Variants in GOLM2 observed in about 807,000 individuals in gnomAD.
GOLM2 encodes the protein golgi membrane protein 2, also known as protein GOLM2.
A neutral mutation model predicts 55.9 loss-of-function variants in GOLM2; 26 were observed. That is an observed-to-expected ratio of 0.47 (90% CI 0.34 to 0.65). The LOEUF is 0.65. Among genes scored for constraint, GOLM2 ranks in the 30% least tolerant of loss-of-function variants. The pLI, the probability that GOLM2 is intolerant of heterozygous loss-of-function variation, is 0.01. For missense variants in GOLM2, 486 were observed against 531.8 expected (o/e 0.91, Z 0.85); for synonymous variants, 165 against 194.6 (o/e 0.85, Z 1.27).
intron 9 of GOLM2, among the ~76,000 whole-genome samples, chr15:44,410,396 G>C (rs933304261): frequency 6.4e-4 from 98 of 152,048 alleles, no homozygotes; most frequent in Non-Finnish European, 1.9e-4. Context: ...GCGCCACTGC[G>C]CTCCAGCCTG....
intron 6 of GOLM2, among the ~76,000 whole-genome samples, chr15:44,369,079 A>ATTATATATATATATATACATAT (rs796346928): frequency 4.6e-5 from 3 of 64,524 alleles, no homozygotes; most frequent in Non-Finnish European, 9.7e-5. Context: ...ATATATATAT[A>ATTATATATATATATATACATAT]TATATATATA....
intron 6 of GOLM2, among the ~76,000 whole-genome samples, chr15:44,343,658 T>C (rs913955279): frequency 6.6e-6 from 1 of 151,176 alleles, no homozygotes; most frequent in Non-Finnish European, 1.5e-5. Context: ...AAACCCCGTC[T>C]GTACTAAAAA....
At chr15:44,311,933 A>G (rs1221964638) in intron 1 of GOLM2, among the ~76,000 whole-genome samples, 1 of 152,186 alleles carries the variant, frequency 6.6e-6, no homozygotes, top group Non-Finnish European at 1.5e-5. Flanking sequence ...TACAGGTTTG[A>G]GCCACCATGC....
intron 6 of GOLM2, among the ~76,000 whole-genome samples, chr15:44,378,955 C>T (rs781043347): frequency 5.3e-5 from 8 of 152,106 alleles, no homozygotes; most frequent in Non-Finnish European, 1.0e-4. Context: ...CCTTGTTGGC[C>T]AAGCTGATCT....
At chr15:44,351,797 A>T (rs923942049) in intron 6 of GOLM2, among the ~76,000 whole-genome samples, 1 of 152,168 alleles carries the variant, frequency 6.6e-6, no homozygotes, top group African/African-American at 2.4e-5. Flanking sequence ...ATAATCTGAA[A>T]AAGAAATCAG....
chr15:44,301,056 G>T (rs1420382077), intron 1 of GOLM2, among the ~76,000 whole-genome samples: 1 of 152,072 alleles, frequency 6.6e-6, no homozygotes, highest in Admixed American at 6.6e-5. Flanking sequence ...AAAATGATTT[G>T]CTTTCCTTTT....
intron 9 of GOLM2, among the ~76,000 whole-genome samples, chr15:44,411,828 CA>C (rs60534778): frequency 0.033 from 2,237 of 68,336 alleles, 32 homozygotes; most frequent in African/African-American, 0.084. Context: ...GACTGCATCT[CA>C]AAAAAAAAAA....
chr15:44,294,984 C>T (rs2078746610), intron 1 of GOLM2, among the ~76,000 whole-genome samples: 1 of 151,878 alleles, frequency 6.6e-6, no homozygotes, highest in African/African-American at 2.4e-5. Context: ...ATCCTTTCTC[C>T]AGAGGAATCA....
rs1259885049 is a variant in GOLM2 at position 44,400,487 on chromosome 15, T to C, written c.1073-2400T>C. ...CATGCGCCACCATGCCTGCCTAATTTTGTATTTTTAGTAGACACAGGGTTT... is the reference window on the plus strand; with the variant it reads ...CATGCGCCACCATGCCTGCCTAATTCTGTATTTTTAGTAGACACAGGGTTT... On this transcript the variant is annotated intron_variant, in intron 8 of 9. Transcript: ENST00000299957. Among the ~76,000 whole-genome samples the C allele has an allele frequency of 3.3e-5, 5 of 151,596 alleles. No individual in the cohort carries two copies. In the East Asian group the frequency reaches 9.7e-4, roughly 29 times the overall value.
intron 2 of GOLM2, among the ~76,000 whole-genome samples, chr15:44,324,180 T>C (rs1233026076): frequency 3.3e-5 from 5 of 152,228 alleles, no homozygotes; most frequent in Non-Finnish European, 1.5e-5. Context: ...TAGGGCTTAT[T>C]AAAGCAGTAA....
chr15:44,411,077 A>G (rs1329198327), intron 9 of GOLM2, among the ~76,000 whole-genome samples: 1 of 129,490 alleles, frequency 7.7e-6, no homozygotes, highest in Non-Finnish European at 1.5e-5. Context: ...GCTGGAGTGC[A>G]GTGGTGTGAT....
chr15:44,366,377 C>T (rs1449390715), intron 6 of GOLM2, among the ~76,000 whole-genome samples: 2 of 151,728 alleles, frequency 1.3e-5, no homozygotes, highest in African/African-American at 4.8e-5. Flanking sequence ...AGGCCAGGCT[C>T]ATACCTGTAA....
rs1210586524 is a variant in GOLM2, at chr15:44,289,388, T to C, written c.327+32T>C. 9.6e-6 allele frequency: 15 copies of C among 1,562,478 alleles called. No homozygotes were observed. The highest frequency in any genetic ancestry group is 2.3e-5 in the East Asian group (1 of 43,484). ...ACGACCCTTTTCTCTTCAAACCCCA[T>C]GGTTTCTTTTCTCCCCGGGGTCTGG... On this transcript the variant is annotated intron_variant, in intron 1 of 9. Transcript: ENST00000299957. The surrounding 1 kb of genome is among the most constrained non-coding windows in gnomAD (Gnocchi z 4.8).
At chr15:44,333,982 TG>T (rs1451742176) in intron 4 of GOLM2, among the ~76,000 whole-genome samples, 1 of 152,218 alleles carries the variant, frequency 6.6e-6, no homozygotes, top group Non-Finnish European at 1.5e-5. Flanking sequence ...CCCAAAGTGC[TG>T]GGATTACAGG....
At position 44,414,312 on chromosome 15, in the gene GOLM2, T is replaced by C. The variant is rs575922557; in HGVS notation, c.*906T>C. 16 of 152,330 alleles carry C rather than the reference T, an allele frequency of 1.1e-4. No individual in the cohort carries two copies. In the South Asian group the frequency reaches 3.3e-3, roughly 32 times the overall value. The allele number at this position is 152,330 out of a possible 1,614,324, so 9.4% of individuals were successfully genotyped here. On this transcript the variant is annotated 3_prime_UTR_variant, in exon 10 of 10. Transcript: ENST00000299957. ...CTTTTATTTTACATGAGTGCTGATGTGTTTTGGCAGATGAGCTTTCAGCTG... is the reference window on the plus strand; with the variant it reads ...CTTTTATTTTACATGAGTGCTGATGCGTTTTGGCAGATGAGCTTTCAGCTG...
intron 1 of GOLM2, among the ~76,000 whole-genome samples, chr15:44,312,673 C>T (rs911850503): frequency 5.9e-5 from 9 of 152,102 alleles, no homozygotes; most frequent in South Asian, 2.1e-4. Flanking sequence ...TGGCCTGGCG[C>T]GGTGGCTCAT....
intron 2 of GOLM2, among the ~76,000 whole-genome samples, chr15:44,325,585 G>A (rs142411333): frequency 5.8e-4 from 88 of 152,280 alleles, no homozygotes; most frequent in African/African-American, 2.0e-3. Flanking sequence ...GAATGAGTCC[G>A]AAAGATCACC....
intron 6 of GOLM2, among the ~76,000 whole-genome samples, chr15:44,365,831 A>G (rs1246406153): frequency 6.6e-6 from 1 of 152,208 alleles, no homozygotes; most frequent in Non-Finnish European, 1.5e-5. Context: ...AATGTAAACT[A>G]GGGACCTTGG....
intron 6 of GOLM2, among the ~76,000 whole-genome samples, chr15:44,350,865 G>T (rs562972235): frequency 2.8e-4 from 43 of 152,218 alleles, no homozygotes; most frequent in Non-Finnish European, 4.4e-4. Flanking sequence ...ACAGAATGAA[G>T]GACAGAAACC....
Sources: gnomAD v4.1 joint callset for allele counts (sites outside exome capture counted in the v4.1 genomes callset) on GRCh38, gnomAD v4.1.1 for gene constraint, Gnocchi (gnomAD v3.1) non-coding constraint, MANE v1.5 for transcripts, NCBI Gene and HGNC (gene_info 2026-07-23, HGNC 2026-07-21) for gene names.